FBXO25: variants seen among roughly 807,000 people sequenced by gnomAD.
The protein encoded by FBXO25 is F-box protein 25, also known as F-box only protein 25.
A neutral mutation model predicts 51.9 loss-of-function variants in FBXO25; 45 were observed. The ratio of observed to expected loss-of-function variants is 0.87; its 90% CI spans 0.68 to 1.11. The LOEUF is 1.11. Among genes scored for constraint, FBXO25 ranks in the 50% most tolerant of loss-of-function variants. FBXO25 has a pLI of 0.00. For missense variants in FBXO25, 507 were observed against 428.5 expected (o/e 1.18, Z -1.62); for synonymous variants, 199 against 151.0 (o/e 1.32, Z -2.33).
At chr8:444,760 A>G (rs567314798) in intron 5 of FBXO25, among the ~76,000 whole-genome samples, 1 of 151,958 alleles carries the variant, frequency 6.6e-6, no homozygotes, top group South Asian at 2.1e-4. Flanking sequence ...TACCTTTCCT[A>G]TGTTTAGATA....
intron 6 of FBXO25, among the ~76,000 whole-genome samples, chr8:450,345 A>G (rs922031559): frequency 1.3e-5 from 2 of 152,178 alleles, no homozygotes; most frequent in Admixed American, 6.5e-5. Flanking sequence ...AAGCTATTTT[A>G]CTTTTTCATG....
rs1366083587 is a variant in FBXO25 at position 465,106 on chromosome 8, C to T, written c.987+1956C>T. Among the ~76,000 whole-genome samples, 4 of 152,134 alleles carry T rather than the reference C, an allele frequency of 2.6e-5. No individual in the cohort carries two copies. The South Asian group carries it at 6.2e-4, about 24-fold the overall frequency. On this transcript the variant is annotated intron_variant, in intron 9 of 9. Transcript: ENST00000350302. ...AGTTGTCTGCAGTAGAAGCCACAGG[C>T]AGATGCTTGTGGACAGAAGGAAAGG...
intron 2 of FBXO25, among the ~76,000 whole-genome samples, chr8:427,019 C>G (rs1185310098): frequency 6.6e-6 from 1 of 152,032 alleles, no homozygotes; most frequent in Non-Finnish European, 1.5e-5. Context: ...TAATAATACA[C>G]TGATACGAAG....
intron 7 of FBXO25, among the ~76,000 whole-genome samples, chr8:452,674 C>T (rs1032581340): frequency 6.6e-6 from 1 of 152,182 alleles, no homozygotes; most frequent in South Asian, 2.1e-4. Flanking sequence ...AAACACCAGA[C>T]CAGGAAGCAG....
chr8:432,247 C>G (rs1287526136), intron 3 of FBXO25, among the ~76,000 whole-genome samples: 2 of 152,048 alleles, frequency 1.3e-5, no homozygotes, highest in East Asian at 3.9e-4. Flanking sequence ...GTGTAGGACT[C>G]GCTTGACAAA....
intron 5 of FBXO25, among the ~76,000 whole-genome samples, chr8:445,528 C>G (rs1301894668): frequency 6.6e-6 from 1 of 152,222 alleles, no homozygotes. Flanking sequence ...GAAATTAAAA[C>G]ACTTTTAAAA....
intron 9 of FBXO25, 41 bp downstream of exon 9, chr8:463,191 T>A (rs1425557851): frequency 1.9e-6 from 3 of 1,598,640 alleles, no homozygotes; most frequent in Non-Finnish European, 2.6e-6. Flanking sequence ...AGGATTAAAT[T>A]TTGGTGAAAC....
Position 472,216 on chromosome 8 carries a change from C to T in FBXO25, c.*3412C>T, listed in dbSNP as rs567051708. On this transcript the variant is annotated 3_prime_UTR_variant, in exon 10 of 10. Coordinates refer to ENST00000350302, the MANE Select transcript of FBXO25 (RefSeq NM_183420.2). ...ACCCTGGGTTTTCCATACATACCCT[C>T]TATTAGGTTGGGGAGGTTCCCTTCT... 2 of 152,356 alleles carry T rather than the reference C, an allele frequency of 1.3e-5. No homozygotes were observed. The highest frequency in any genetic ancestry group is 6.5e-5 in the Admixed American group (1 of 15,310). 9.4% of individuals were successfully genotyped at this position (152,356 alleles called of 1,614,324 possible).
intron 5 of FBXO25, among the ~76,000 whole-genome samples, chr8:444,753 C>G (rs1260293167): frequency 2.6e-5 from 4 of 152,054 alleles, no homozygotes; most frequent in South Asian, 2.1e-4. Context: ...TTTACTGTAC[C>G]TTTCCTATGT....
Position 451,985 on chromosome 8 carries a change from G to A in FBXO25, c.660+532G>A, listed in dbSNP as rs183748453. Among the ~76,000 whole-genome samples, 184 of 152,224 alleles carry A rather than the reference G, an allele frequency of 1.2e-3. 1 individual carries two copies. The highest frequency in any genetic ancestry group is 4.2e-3 in the African/African-American group (176 of 41,548). Reference sequence around the variant, plus strand: ...AGAATAATGTTAACACCATTGCCCCGAGTATTTAGATAGTGTTTTATTTAA... The same window carrying A: ...AGAATAATGTTAACACCATTGCCCCAAGTATTTAGATAGTGTTTTATTTAA... On this transcript the variant is annotated intron_variant, in intron 7 of 9. Transcript: ENST00000350302.
intron 5 of FBXO25, among the ~76,000 whole-genome samples, chr8:438,239 A>G (rs1188409710): frequency 2.6e-5 from 4 of 152,052 alleles, no homozygotes; most frequent in Middle Eastern, 3.4e-3. Context: ...TTGTATTTTT[A>G]GTAGAGATGG....
intron 5 of FBXO25, among the ~76,000 whole-genome samples, chr8:440,158 C>A (rs1313452782): frequency 6.6e-6 from 1 of 152,140 alleles, no homozygotes; most frequent in African/African-American, 2.4e-5. Flanking sequence ...AATTCTGTCT[C>A]TTTCTTATTT....
At chr8:466,304 C>G (rs1563101502) in intron 9 of FBXO25, among the ~76,000 whole-genome samples, 1 of 152,194 alleles carries the variant, frequency 6.6e-6, no homozygotes, top group Admixed American at 6.5e-5. Flanking sequence ...TCAGGCAGAC[C>G]TGGACCTGCC....
In FBXO25 at chr8:470,697, C is replaced by G. The variant is rs1381201493; in HGVS notation, c.*1893C>G. The G allele has an allele frequency of 6.6e-6, 1 of 152,154 alleles. No homozygotes were observed. The highest frequency in any genetic ancestry group is 1.9e-4 in the East Asian group (1 of 5,176). 9.4% of individuals were successfully genotyped at this position (152,154 alleles called of 1,614,324 possible). A position where few individuals can be genotyped will look rare whatever the true frequency, so the allele number is the denominator to read the frequency against. On this transcript the variant is annotated 3_prime_UTR_variant, in exon 10 of 10. Coordinates refer to ENST00000350302, the MANE Select transcript of FBXO25 (RefSeq NM_183420.2). The stretch of plus-strand genomic sequence containing the variant: ...CGTCCAGCTGAGAAAAGAAATTGTT[C>G]TAATCTAGGAAAGGGAGTAAGTACA...
rs369090701 is a variant in FBXO25 at position 417,956 on chromosome 8, A to G, written c.134+4743A>G. ...AATAGAATCGTATATTTAAAATTCT[A>G]GTATTGCCACATTACCTTCTGTAAT... On this transcript the variant is annotated intron_variant, in intron 2 of 9. Coordinates refer to ENST00000350302, the MANE Select transcript of FBXO25 (RefSeq NM_183420.2). Among the ~76,000 whole-genome samples, 14 of 152,344 alleles carry G rather than the reference A, an allele frequency of 9.2e-5. No individual in the cohort carries two copies. The South Asian group carries it at 2.7e-3, about 29-fold the overall frequency.
intron 9 of FBXO25, chr8:467,806 A>G (rs1398690409): frequency 6.2e-7 from 1 of 1,607,504 alleles, no homozygotes; most frequent in Non-Finnish European, 8.5e-7. Flanking sequence ...ATCGTGCTGC[A>G]TCTCATGCAC....
chr8:413,025 CTT>C (rs1171342895), intron 1 of FBXO25, 46 bp from the exon 2 acceptor site: 1 of 1,312,252 alleles, frequency 7.6e-7, no homozygotes, highest in Non-Finnish European at 1.0e-6. Flanking sequence ...TGAAAAGAAA[CTT>C]TTATGAATTA....
chr8:412,014 T>C (rs573264447), intron 1 of FBXO25, among the ~76,000 whole-genome samples: 1 of 152,322 alleles, frequency 6.6e-6, no homozygotes, highest in African/African-American at 2.4e-5. Context: ...TGCACAGCAG[T>C]AGTTGAAAAC....
chr8:460,087 T>TAA (rs1436754329), intron 8 of FBXO25, among the ~76,000 whole-genome samples: 1 of 151,948 alleles, frequency 6.6e-6, no homozygotes, highest in Admixed American at 6.5e-5. Flanking sequence ...GGAAAAGAGG[T>TAA]AAATGAAGGT....
Sources: gnomAD v4.1 joint callset for allele counts (sites outside exome capture counted in the v4.1 genomes callset) on GRCh38, gnomAD v4.1.1 for gene constraint, MANE v1.5 for transcripts, NCBI Gene and HGNC (gene_info 2026-07-23, HGNC 2026-07-21) for gene names.